The following PRR16 variants were observed in gnomAD, a reference collection of about 807,000 sequenced individuals.
The protein encoded by PRR16 is proline rich 16, also known as protein Largen.
Under a neutral mutation model 18.2 loss-of-function variants are expected in PRR16, and 6 were observed. That is an observed-to-expected ratio of 0.33 (90% confidence interval 0.18 to 0.65). The LOEUF is 0.65. Ranked by LOEUF, PRR16 falls within the 30% of genes least tolerant of loss-of-function variation. The probability of loss-of-function intolerance (pLI) is 0.74; values close to 1 mark genes in which losing one functional copy is unlikely to be tolerated. For synonymous variants in PRR16, 151 were observed against 147.8 expected (o/e 1.02, Z -0.16); for missense variants, 412 against 376.6 (o/e 1.09, Z -0.78).
chr5:120,753,864 T>C, the PRR16 span, among the ~76,000 whole-genome samples: 1 of 62,386 alleles, frequency 1.6e-5, no homozygotes, highest in South Asian at 4.5e-4. Context: ...TATAATATCT[T>C]ATATATTATA....
At chr5:120,614,318 GGA>G (rs1332106789) in intron 1 of PRR16, among the ~76,000 whole-genome samples, 1 of 152,132 alleles carries the variant, frequency 6.6e-6, no homozygotes, top group Non-Finnish European at 1.5e-5. Flanking sequence ...TGCTTACGGT[GGA>G]GTTTTTAAAA....
At chr5:120,534,039 G>A (rs1197754659) in intron 1 of PRR16, among the ~76,000 whole-genome samples, 1 of 152,142 alleles carries the variant, frequency 6.6e-6, no homozygotes, top group African/African-American at 2.4e-5. Context: ...GGACAGGTTT[G>A]GAGATAAATC....
At chr5:120,751,459 G>A in the PRR16 span, among the ~76,000 whole-genome samples, 1 of 151,844 alleles carries the variant, frequency 6.6e-6, no homozygotes, top group African/African-American at 2.4e-5. Flanking sequence ...TGATCTTTGT[G>A]ATAAAAGCCA....
chr5:120,773,983 C>G, the PRR16 span, among the ~76,000 whole-genome samples: 1 of 152,054 alleles, frequency 6.6e-6, no homozygotes, highest in African/African-American at 2.4e-5. Flanking sequence ...TTACCACTTA[C>G]AAAACTTGAT....
intron 1 of PRR16, among the ~76,000 whole-genome samples, chr5:120,653,510 C>A (rs901818378): frequency 6.6e-6 from 1 of 151,640 alleles, no homozygotes; most frequent in African/African-American, 2.4e-5. Flanking sequence ...TTAAAAAAAT[C>A]ACAATACACA....
chr5:120,733,412 A>G, the PRR16 span, among the ~76,000 whole-genome samples: 1 of 152,076 alleles, frequency 6.6e-6, no homozygotes, highest in Admixed American at 6.5e-5. Flanking sequence ...AACATCTCAA[A>G]TTGTGTATTC....
intron 1 of PRR16, among the ~76,000 whole-genome samples, chr5:120,541,371 C>G (rs984119931): frequency 9.9e-5 from 15 of 152,134 alleles, no homozygotes; most frequent in African/African-American, 3.6e-4. Flanking sequence ...GTCTCAAACT[C>G]CTGACCTCAG....
chr5:120,778,582 A>G, the PRR16 span, among the ~76,000 whole-genome samples: 79 of 152,306 alleles, frequency 5.2e-4, no homozygotes, highest in Non-Finnish European at 7.9e-4. Context: ...AGCTTCAGGG[A>G]CCTTAATAAC....
the PRR16 span, among the ~76,000 whole-genome samples, chr5:120,791,503 T>TAATA: frequency 6.6e-6 from 1 of 151,432 alleles, no homozygotes; most frequent in South Asian, 2.1e-4. Flanking sequence ...GTTTAGAACA[T>TAATA]AATAATTAGA....
intron 1 of PRR16, among the ~76,000 whole-genome samples, chr5:120,583,220 T>C (rs952837783): frequency 1.3e-5 from 2 of 152,200 alleles, no homozygotes; most frequent in Non-Finnish European, 2.9e-5. Flanking sequence ...TAGAGGCAGT[T>C]ACAAAGGTCC....
chr5:120,789,669 T>C, the PRR16 span, among the ~76,000 whole-genome samples: 1 of 152,100 alleles, frequency 6.6e-6, no homozygotes, highest in Non-Finnish European at 1.5e-5. Context: ...TATCTGAAGT[T>C]CTAAACACTG....
chr5:120,717,740 CTG>C, the PRR16 span, among the ~76,000 whole-genome samples: 1 of 152,134 alleles, frequency 6.6e-6, no homozygotes, highest in Non-Finnish European at 1.5e-5. Context: ...CTCTGTGACT[CTG>C]TGCTCTTTAT....
chr5:120,568,331 T>A (rs1190449468), intron 1 of PRR16, among the ~76,000 whole-genome samples: 1 of 152,164 alleles, frequency 6.6e-6, no homozygotes, highest in Non-Finnish European at 1.5e-5. Context: ...TAAAAACTCC[T>A]GAGGTAATAA....
chr5:120,759,411 C>G, the PRR16 span, among the ~76,000 whole-genome samples: 3 of 152,018 alleles, frequency 2.0e-5, no homozygotes, highest in African/African-American at 7.2e-5. Context: ...ATAAAGAACT[C>G]TTAAGTCTAA....
At chr5:120,495,628 T>A (rs184836011) in intron 1 of PRR16, among the ~76,000 whole-genome samples, 1 of 152,228 alleles carries the variant, frequency 6.6e-6, no homozygotes, top group Admixed American at 6.5e-5. Context: ...GAAGACTGAC[T>A]GTAGTATGTT....
At chr5:120,758,309 T>C in the PRR16 span, among the ~76,000 whole-genome samples, 1 of 152,188 alleles carries the variant, frequency 6.6e-6, no homozygotes, top group South Asian at 2.1e-4. Flanking sequence ...TTCTCAAGAC[T>C]TATTGTTGCT....
chr5:120,668,135 C>G (rs534410705), intron 1 of PRR16, among the ~76,000 whole-genome samples: 32 of 151,892 alleles, frequency 2.1e-4, no homozygotes, highest in Admixed American at 1.8e-3. Context: ...AATCTGGGTG[C>G]TCCTGTATTG....
At chr5:120,601,699 C>A (rs990766594) in intron 1 of PRR16, among the ~76,000 whole-genome samples, 1 of 151,572 alleles carries the variant, frequency 6.6e-6, no homozygotes, top group Admixed American at 6.6e-5. Context: ...TAGTGTGAGG[C>A]CTTACATTTA....
the PRR16 span, among the ~76,000 whole-genome samples, chr5:120,699,233 C>T: frequency 6.6e-6 from 1 of 151,770 alleles, no homozygotes; most frequent in Non-Finnish European, 1.5e-5. Flanking sequence ...TAGATTTCCA[C>T]GATGGAAAGG....
Sources: allele counts gnomAD v4.1 joint callset (sites outside exome capture counted in the v4.1 genomes callset), GRCh38; gene constraint gnomAD v4.1.1; transcripts MANE v1.5; gene names NCBI Gene and HGNC (gene_info 2026-07-23, HGNC 2026-07-21).